CACNB2: variants seen among roughly 807,000 people sequenced by gnomAD.
The protein encoded by CACNB2 is calcium voltage-gated channel auxiliary subunit beta 2, also known as voltage-dependent L-type calcium channel subunit beta-2.
CACNB2 carries 42 observed loss-of-function variants against 73.3 expected under a neutral mutation model. The ratio of observed to expected loss-of-function variants is 0.57; its 90% CI spans 0.45 to 0.74. The LOEUF (loss-of-function observed/expected upper bound fraction) is 0.74. Among genes scored for constraint, CACNB2 ranks in the 30% least tolerant of loss-of-function variants. The pLI, the probability that CACNB2 is intolerant of heterozygous loss-of-function variation, is 0.00. For synonymous variants in CACNB2, 348 were observed against 310.3 expected (o/e 1.12, Z -1.28); for missense variants, 940 against 853.0 (o/e 1.10, Z -1.27).
At chr10:18,191,306 G>A (rs1335782003) in intron 2 of CACNB2, among the ~76,000 whole-genome samples, 3 of 152,202 alleles carry the variant, frequency 2.0e-5, no homozygotes, top group Admixed American at 1.3e-4. Flanking sequence ...CCATGACACA[G>A]AGCTGGGGAA....
intron 3 of CACNB2, among the ~76,000 whole-genome samples, chr10:18,476,020 A>G (rs2048422452): frequency 6.6e-6 from 1 of 152,256 alleles, no homozygotes; most frequent in African/African-American, 2.4e-5. Flanking sequence ...CTCCATAGGC[A>G]GAGCAGCAGC....
intron 3 of CACNB2, among the ~76,000 whole-genome samples, chr10:18,476,781 G>C (rs1401484718): frequency 6.6e-6 from 1 of 152,156 alleles, no homozygotes; most frequent in African/African-American, 2.4e-5. Flanking sequence ...AGGAGGCTGA[G>C]GCAGCCCAAT....
At chr10:18,141,751 A>G (rs1368372807) in intron 1 of CACNB2, among the ~76,000 whole-genome samples, 1 of 152,170 alleles carries the variant, frequency 6.6e-6, no homozygotes, top group Non-Finnish European at 1.5e-5. Flanking sequence ...GAGTCGCTCA[A>G]CTTTTCTCCC....
intron 3 of CACNB2, among the ~76,000 whole-genome samples, chr10:18,451,118 A>T (rs984284253): frequency 6.6e-6 from 1 of 152,178 alleles, no homozygotes; most frequent in Non-Finnish European, 1.5e-5. Flanking sequence ...CTTGGGGGAA[A>T]ATTAGTGCAG....
chr10:18,349,578 A>G (rs1290698726), intron 2 of CACNB2, among the ~76,000 whole-genome samples: 1 of 152,174 alleles, frequency 6.6e-6, no homozygotes, highest in African/African-American at 2.4e-5. Context: ...TGAGCCAGAC[A>G]CAAGGAGACA....
intron 3 of CACNB2, among the ~76,000 whole-genome samples, chr10:18,441,048 C>T (rs572421096): frequency 1.2e-4 from 19 of 152,236 alleles, no homozygotes; most frequent in East Asian, 7.7e-4. Flanking sequence ...AGTGTGGAAG[C>T]GGGAAATGGG....
intron 2 of CACNB2, among the ~76,000 whole-genome samples, chr10:18,286,060 TTAAA>T (rs1270092911): frequency 6.6e-6 from 1 of 152,192 alleles, no homozygotes; most frequent in Admixed American, 6.5e-5. Context: ...TGTGAACACA[TTAAA>T]TAACACTATT....
At position 18,455,847 on chromosome 10, in the gene CACNB2, T is replaced by G. The variant is rs144052690; in HGVS notation, c.334-42508T>G. ...ATCCTTTTAGCAGAATTTCTTTTCA[T>G]TAGCTGAGTAGAATTGAGCTTCACT... On this transcript the variant is annotated intron_variant, in intron 3 of 13. Coordinates refer to ENST00000324631, the MANE Select transcript of CACNB2 (RefSeq NM_201596.3). Among the ~76,000 whole-genome samples, 641 of 152,310 alleles carry G rather than the reference T, an allele frequency of 4.2e-3. 4 individuals carry two copies. The highest frequency in any genetic ancestry group is 6.9e-3 in the Non-Finnish European group (469 of 68,020).
intron 3 of CACNB2, among the ~76,000 whole-genome samples, chr10:18,416,304 T>G (rs1317149691): frequency 6.6e-6 from 1 of 152,364 alleles, no homozygotes; most frequent in Non-Finnish European, 1.5e-5. Context: ...TTTTCAAGGC[T>G]GAGTAATATT....
chr10:18,273,530 A>ATT (rs1323609113), intron 2 of CACNB2, among the ~76,000 whole-genome samples: 1 of 152,168 alleles, frequency 6.6e-6, no homozygotes, highest in Non-Finnish European at 1.5e-5. Flanking sequence ...GAATTAACAT[A>ATT]TTTAAGCTTA....
chr10:18,522,422 A>G (rs572039143), intron 9 of CACNB2, among the ~76,000 whole-genome samples: 10 of 152,172 alleles, frequency 6.6e-5, no homozygotes, highest in Non-Finnish European at 1.0e-4. Flanking sequence ...GACTGCTGCA[A>G]TAGATAGTAT....
chr10:18,456,775 G>C (rs570224306), intron 3 of CACNB2, among the ~76,000 whole-genome samples: 1 of 152,268 alleles, frequency 6.6e-6, no homozygotes, highest in East Asian at 1.9e-4. Context: ...ATTTTACTTA[G>C]GATAATGTCC....
chr10:18,226,313 C>T (rs1323952643), intron 2 of CACNB2, among the ~76,000 whole-genome samples: 1 of 152,210 alleles, frequency 6.6e-6, no homozygotes, highest in African/African-American at 2.4e-5. Flanking sequence ...AGGTGTGAGC[C>T]ACCGCCCCCA....
intron 2 of CACNB2, among the ~76,000 whole-genome samples, chr10:18,212,036 C>T (rs1390293128): frequency 6.6e-6 from 1 of 152,142 alleles, no homozygotes; most frequent in African/African-American, 2.4e-5. Context: ...TCAACAGGCC[C>T]AAATCCTCCA....
At chr10:18,275,822 C>T (rs1376438501) in intron 2 of CACNB2, among the ~76,000 whole-genome samples, 1 of 152,046 alleles carries the variant, frequency 6.6e-6, no homozygotes, top group African/African-American at 2.4e-5. Context: ...TTAATAGTTT[C>T]TAAATTACCA....
rs758597745 is a variant in CACNB2, at chr10:18,140,841, C to A, written c.105C>A (p.Leu35=). Residue 35 remains leucine, a synonymous_variant, in exon 1 of 14, where the codon CTC becomes CTA. Transcript: ENST00000324631. ...LLENVAPAGA[L]GAAAQSYGKG... ...AGAACGTGGCTCCCGCGGGGGCGCT[C>A]GGAGCCGCCGCACAGGTAGCGAGAG... 5.6e-6 allele frequency: 9 copies of A among 1,601,884 alleles called. No homozygotes were observed. The East Asian group carries it at 2.0e-4, about 36-fold the overall frequency.
chr10:18,191,842 A>G (rs1235341276), intron 2 of CACNB2, among the ~76,000 whole-genome samples: 2 of 152,144 alleles, frequency 1.3e-5, no homozygotes, highest in Non-Finnish European at 2.9e-5. Context: ...TCATTGATTC[A>G]TGGACATTTG....
chr10:18,390,727 A>C (rs538418385), intron 2 of CACNB2, among the ~76,000 whole-genome samples: 22 of 152,332 alleles, frequency 1.4e-4, no homozygotes, highest in Admixed American at 9.8e-4. Flanking sequence ...CCATCTCTAT[A>C]GGAATGTCAG....
At chr10:18,536,243 C>CTTTTCTT (rs1327787339) in intron 12 of CACNB2, 47 bp downstream of exon 12, 5,308 of 281,500 alleles carry the variant, frequency 0.019, 387 homozygotes, top group African/African-American at 0.078. Context: ...GAGATCAGAC[C>CTTTTCTT]TTTTTTTTTT....
Sources: allele counts gnomAD v4.1 joint callset (sites outside exome capture counted in the v4.1 genomes callset), GRCh38; gene constraint gnomAD v4.1.1; transcripts MANE v1.5; gene names NCBI Gene and HGNC (gene_info 2026-07-23, HGNC 2026-07-21).